Variants in RALGAPA1 observed in about 807,000 individuals in gnomAD.
RALGAPA1 encodes the protein Ral GTPase activating protein catalytic subunit alpha 1.
RALGAPA1 carries 52 observed loss-of-function variants against 269.6 expected under a neutral mutation model. The observed-to-expected ratio is 0.19, with a 90% CI of 0.15 to 0.24. The LOEUF (loss-of-function observed/expected upper bound fraction) is 0.24. RALGAPA1 is among the 10% of genes least tolerant of loss of function. The pLI, the probability that RALGAPA1 is intolerant of heterozygous loss-of-function variation, is 1.00. For synonymous variants in RALGAPA1, 817 were observed against 1,008.3 expected, an observed-to-expected ratio of 0.81 and a Z score of 3.60; for missense variants, 1,917 against 3,013.9, an observed-to-expected ratio of 0.64 and a Z score of 8.52.
chr14:35,715,580 G>C (rs1252919709), intron 16 of RALGAPA1: 1 of 262,428 alleles, frequency 3.8e-6, no homozygotes, highest in Non-Finnish European at 5.9e-6. Flanking sequence ...CATGTTTACT[G>C]AATAATCTTT....
chr14:35,793,195 T>C (rs1184814657), intron 1 of RALGAPA1, among the ~76,000 whole-genome samples: 5 of 152,092 alleles, frequency 3.3e-5, no homozygotes, highest in South Asian at 4.2e-4. Context: ...TTTATTAAAG[T>C]AGACGTATTC....
At chr14:35,780,442 T>C (rs982236553) in intron 1 of RALGAPA1, among the ~76,000 whole-genome samples, 8 of 152,210 alleles carry the variant, frequency 5.3e-5, no homozygotes, top group African/African-American at 1.9e-4. Flanking sequence ...GCACATGGTA[T>C]ACTATCCAAA....
At chr14:35,733,390 T>C (rs2070688337) in intron 12 of RALGAPA1, among the ~76,000 whole-genome samples, 1 of 152,096 alleles carries the variant, frequency 6.6e-6, no homozygotes, top group Non-Finnish European at 1.5e-5. Flanking sequence ...AGCAGGAGAA[T>C]TGCTTGAACC....
At chr14:35,733,618 G>A (rs1457038374) in intron 12 of RALGAPA1, among the ~76,000 whole-genome samples, 1 of 152,002 alleles carries the variant, frequency 6.6e-6, no homozygotes, top group East Asian at 1.9e-4. Flanking sequence ...ACATCAAAAA[G>A]ACTGAAACAG....
intron 35 of RALGAPA1, among the ~76,000 whole-genome samples, chr14:35,616,982 T>C (rs1364856568): frequency 6.6e-6 from 1 of 152,102 alleles, no homozygotes; most frequent in African/African-American, 2.4e-5. Context: ...CTTATAACCG[T>C]CTTGGAAAGA....
chr14:35,675,674 G>C (rs748612872), intron 22 of RALGAPA1, among the ~76,000 whole-genome samples: 23 of 152,028 alleles, frequency 1.5e-4, no homozygotes, highest in Middle Eastern at 3.4e-3. Flanking sequence ...AGATGGTTTT[G>C]CTAGATATCA....
intron 35 of RALGAPA1, among the ~76,000 whole-genome samples, chr14:35,613,936 A>G (rs2060102404): frequency 6.6e-6 from 1 of 152,250 alleles, no homozygotes; most frequent in African/African-American, 2.4e-5. Context: ...ATAAGTCATT[A>G]GGGAAATGCA....
chr14:35,722,230 GA>G (rs771192769), intron 15 of RALGAPA1, among the ~76,000 whole-genome samples: 1 of 152,170 alleles, frequency 6.6e-6, no homozygotes, highest in Non-Finnish European at 1.5e-5. Flanking sequence ...TATAGTCCAG[GA>G]AAAAGTAGTT....
intron 37 of RALGAPA1, among the ~76,000 whole-genome samples, chr14:35,583,583 C>T (rs2058087638): frequency 1.3e-5 from 2 of 152,136 alleles, no homozygotes; most frequent in Admixed American, 6.5e-5. Context: ...TAATGTCAGT[C>T]ATAAACCCAG....
chr14:35,569,869 G>C (rs894166927), intron 39 of RALGAPA1, among the ~76,000 whole-genome samples: 3 of 152,108 alleles, frequency 2.0e-5, no homozygotes, highest in African/African-American at 7.2e-5. Flanking sequence ...CAACTAGATT[G>C]AATTATTTGC....
At chr14:35,582,859 A>G (rs1022049056) in intron 37 of RALGAPA1, among the ~76,000 whole-genome samples, 8 of 152,186 alleles carry the variant, frequency 5.3e-5, no homozygotes, top group African/African-American at 1.7e-4. Flanking sequence ...TTGGAAGGTC[A>G]TACTGTCCCA....
chr14:35,695,324 T>C (rs2066817315), intron 17 of RALGAPA1, among the ~76,000 whole-genome samples: 1 of 152,094 alleles, frequency 6.6e-6, no homozygotes, highest in Non-Finnish European at 1.5e-5. Context: ...TCTACACTGA[T>C]GACAGGAAAA....
intron 33 of RALGAPA1, among the ~76,000 whole-genome samples, chr14:35,631,807 A>T (rs1406017758): frequency 1.3e-5 from 2 of 152,196 alleles, no homozygotes; most frequent in Non-Finnish European, 2.9e-5. Flanking sequence ...ACAATAAAAA[A>T]TCATTCAATT....
At chr14:35,549,900 T>C (rs1566653843) in intron 39 of RALGAPA1, among the ~76,000 whole-genome samples, 1 of 152,150 alleles carries the variant, frequency 6.6e-6, no homozygotes, top group Non-Finnish European at 1.5e-5. Context: ...CAAGCAGGAA[T>C]ATTTGCAAAG....
At chr14:35,721,964 A>G (rs554327735) in intron 15 of RALGAPA1, 115 bp from the exon 16 acceptor site, 3 of 825,760 alleles carry the variant, frequency 3.6e-6, no homozygotes, top group Non-Finnish European at 5.8e-6. Context: ...TTATAAAGTA[A>G]TAAGACAAAA....
At chr14:35,788,686 C>G (rs146308955) in intron 1 of RALGAPA1, among the ~76,000 whole-genome samples, 10 of 152,256 alleles carry the variant, frequency 6.6e-5, no homozygotes, top group African/African-American at 2.4e-4. Flanking sequence ...AAGTTTTTAA[C>G]AAGGAAGATT....
intron 11 of RALGAPA1, among the ~76,000 whole-genome samples, chr14:35,740,361 C>T (rs1244845000): frequency 1.3e-5 from 2 of 152,064 alleles, no homozygotes; most frequent in Admixed American, 6.5e-5. Context: ...TTTCTTGTCA[C>T]AATAAATAAA....
chr14:35,692,104 G>A (rs2066529492), intron 17 of RALGAPA1, among the ~76,000 whole-genome samples: 2 of 151,968 alleles, frequency 1.3e-5, no homozygotes, highest in Admixed American at 1.3e-4. Flanking sequence ...AAGAACTTCT[G>A]CCTCAATGAC....
intron 1 of RALGAPA1, among the ~76,000 whole-genome samples, chr14:35,785,818 ATAACAGTCAG>A (rs1170139579): frequency 1.3e-5 from 2 of 152,192 alleles, no homozygotes; most frequent in Non-Finnish European, 2.9e-5. Context: ...CAGAACTGTA[ATAACAGTCAG>A]TAAACTAGTA....
Sources: gnomAD v4.1 joint callset for allele counts (sites outside exome capture counted in the v4.1 genomes callset) on GRCh38, gnomAD v4.1.1 for gene constraint, MANE v1.5 for transcripts, NCBI Gene and HGNC (gene_info 2026-07-23, HGNC 2026-07-21) for gene names.